The following MYT1L variants were observed in gnomAD, a reference collection of about 807,000 sequenced individuals.
The protein encoded by MYT1L is myelin transcription factor 1-like protein.
Under a neutral mutation model 126.7 loss-of-function variants are expected in MYT1L, and 12 were observed. The observed-to-expected ratio is 0.09, with a 90% CI of 0.06 to 0.15. MYT1L has a LOEUF of 0.15. Among genes scored for constraint, MYT1L ranks in the 10% least tolerant of loss-of-function variants. MYT1L has a pLI of 1.00. For missense variants in MYT1L, 979 were observed against 1,585.2 expected, an observed-to-expected ratio of 0.62 and a Z score of 6.49; for synonymous variants, 541 against 604.2, an observed-to-expected ratio of 0.90 and a Z score of 1.53.
chr2:1,881,314 G>A (rs912415505), intron 18 of MYT1L, among the ~76,000 whole-genome samples: 16 of 151,558 alleles, frequency 1.1e-4, no homozygotes, highest in African/African-American at 3.9e-4. Flanking sequence ...AAGAAACTCC[G>A]TGAACCAAGA....
intron 13 of MYT1L, among the ~76,000 whole-genome samples, chr2:1,903,960 C>T (rs150295886): frequency 7.9e-5 from 12 of 152,058 alleles, no homozygotes; most frequent in East Asian, 3.9e-4. Context: ...CGCGTGCGCG[C>T]GTGTGTGTGT....
chr2:2,163,664 G>T (rs1250486405), intron 3 of MYT1L, among the ~76,000 whole-genome samples: 1 of 151,684 alleles, frequency 6.6e-6, no homozygotes. Context: ...CCCAGGAGGC[G>T]GGGCTTGCAG....
chr2:1,915,046 C>T (rs1453676479), intron 11 of MYT1L, among the ~76,000 whole-genome samples: 1 of 152,082 alleles, frequency 6.6e-6, no homozygotes, highest in Non-Finnish European at 1.5e-5. Context: ...GAGCCCCGGC[C>T]TCATGCCCAT....
At chr2:1,939,469 TGGA>T (rs2056392492) in intron 9 of MYT1L, among the ~76,000 whole-genome samples, 1 of 152,186 alleles carries the variant, frequency 6.6e-6, no homozygotes, top group South Asian at 2.1e-4. Flanking sequence ...AGGCACCGTA[TGGA>T]ATCTCCCGTA....
intron 13 of MYT1L, among the ~76,000 whole-genome samples, chr2:1,906,243 C>T (rs978507394): frequency 2.6e-5 from 4 of 152,274 alleles, no homozygotes; most frequent in Admixed American, 2.6e-4. Flanking sequence ...TACACTTTTA[C>T]ATATTTTATG....
At chr2:1,795,208 A>G (rs1283680083) in intron 23 of MYT1L, among the ~76,000 whole-genome samples, 1 of 152,176 alleles carries the variant, frequency 6.6e-6, no homozygotes, top group Non-Finnish European at 1.5e-5. Context: ...CTTTTTCTGG[A>G]AAATGGGAGT....
chr2:2,187,951 A>G (rs2092327986), intron 2 of MYT1L, among the ~76,000 whole-genome samples: 4 of 152,178 alleles, frequency 2.6e-5, no homozygotes, highest in Admixed American at 2.0e-4. Flanking sequence ...TATCATTTAT[A>G]TTCTCTTATA....
At chr2:2,077,869 G>A (rs900660465) in intron 3 of MYT1L, among the ~76,000 whole-genome samples, 2 of 152,168 alleles carry the variant, frequency 1.3e-5, no homozygotes, top group African/African-American at 4.8e-5. Context: ...CGAAAATACA[G>A]AGCAGTGGTG....
chr2:1,809,362 A>G (rs924735047), intron 21 of MYT1L, among the ~76,000 whole-genome samples, 195 bp from the exon 22 acceptor site: 2 of 152,136 alleles, frequency 1.3e-5, no homozygotes, highest in Non-Finnish European at 2.9e-5. Context: ...ATGTGTGTGC[A>G]CTCATGCATG....
intron 2 of MYT1L, among the ~76,000 whole-genome samples, chr2:2,182,648 A>G (rs1028994594): frequency 3.9e-5 from 6 of 152,190 alleles, no homozygotes; most frequent in Admixed American, 1.3e-4. Context: ...AAAGCACAGC[A>G]TGCGCTTTGC....
chr2:2,291,773 C>G (rs111330386), intron 1 of MYT1L, among the ~76,000 whole-genome samples: 3 of 152,206 alleles, frequency 2.0e-5, no homozygotes, highest in African/African-American at 7.2e-5. Context: ...GCACCCTGTG[C>G]CCCCAGGTGC....
chr2:1,981,699 G>C lies in MYT1L; in HGVS notation c.1-1922C>G, dbSNP rs145086519. On this transcript the variant is annotated intron_variant, in intron 5 of 24. Transcript: ENST00000647738. ...GGCCTTTCTTGAGCATGGGGAGGACGAGTCGCAAACATGTTTTAGAAAAAA... is the reference window on the plus strand; with the variant it reads ...GGCCTTTCTTGAGCATGGGGAGGACCAGTCGCAAACATGTTTTAGAAAAAA... Among the ~76,000 whole-genome samples, 314 of 152,270 alleles carry C rather than the reference G, an allele frequency of 2.1e-3. 1 individual carries two copies. The highest frequency in any genetic ancestry group is 7.4e-3 in the African/African-American group (307 of 41,538).
chr2:2,005,272 C>T (rs1479900800), intron 4 of MYT1L, among the ~76,000 whole-genome samples: 1 of 136,184 alleles, frequency 7.3e-6, no homozygotes, highest in Non-Finnish European at 1.6e-5. Flanking sequence ...ACGTTCTTTC[C>T]TGTGTGCCTT....
chr2:2,190,312 C>T (rs2092508988), intron 2 of MYT1L, among the ~76,000 whole-genome samples: 1 of 151,736 alleles, frequency 6.6e-6, no homozygotes, highest in South Asian at 2.1e-4. Flanking sequence ...CAGAAATTAG[C>T]CAGGCAGTGG....
chr2:2,017,178 C>T (rs1306591401), intron 4 of MYT1L, among the ~76,000 whole-genome samples: 2 of 152,216 alleles, frequency 1.3e-5, no homozygotes, highest in Non-Finnish European at 2.9e-5. Flanking sequence ...GCCCTAGAGA[C>T]TCAACGCTCC....
chr2:1,921,529 A>C (rs1222515996), intron 10 of MYT1L, among the ~76,000 whole-genome samples: 1 of 152,218 alleles, frequency 6.6e-6, no homozygotes, highest in African/African-American at 2.4e-5. Flanking sequence ...AACTCAGCTC[A>C]AACTATCATA....
intron 2 of MYT1L, among the ~76,000 whole-genome samples, chr2:2,211,868 C>CAGAA (rs2093529914): frequency 6.7e-6 from 1 of 149,214 alleles, no homozygotes; most frequent in African/African-American, 2.5e-5. Context: ...TTATAACAAG[C>CAGAA]AGAACTCTTT....
intron 2 of MYT1L, among the ~76,000 whole-genome samples, chr2:2,180,810 ATACCTGTGTG>A (rs1220992662): frequency 3.8e-5 from 5 of 129,994 alleles, no homozygotes; most frequent in Admixed American, 7.6e-5. Flanking sequence ...ACCTGTATCC[ATACCTGTGTG>A]TACCTGTGTG....
chr2:2,316,872 G>A (rs1475179758), intron 1 of MYT1L, among the ~76,000 whole-genome samples: 2 of 151,720 alleles, frequency 1.3e-5, no homozygotes, highest in Non-Finnish European at 2.9e-5. Context: ...GTGCAGTGGC[G>A]TGATCTCGGC....
Sources: gnomAD v4.1 joint callset for allele counts (sites outside exome capture counted in the v4.1 genomes callset) on GRCh38, gnomAD v4.1.1 for gene constraint, MANE v1.5 for transcripts, NCBI Gene and HGNC (gene_info 2026-07-23, HGNC 2026-07-21) for gene names.